The following DGKE variants were observed in gnomAD, a reference collection of about 807,000 sequenced individuals.
DGKE encodes DAG kinase epsilon.
Under a neutral mutation model 70.0 loss-of-function variants are expected in DGKE, and 53 were observed. The observed-to-expected ratio is 0.76, with a 90% CI of 0.61 to 0.95. DGKE has a LOEUF of 0.95. Ranked by LOEUF, DGKE falls within the 40% of genes least tolerant of loss-of-function variation. The pLI, the probability that DGKE is intolerant of heterozygous loss-of-function variation, is 0.00. For synonymous variants in DGKE, 291 were observed against 257.0 expected (o/e 1.13, Z -1.27); for missense variants, 655 against 706.9 (o/e 0.93, Z 0.83).
chr17:56,840,791 G>C (rs187028547), intron 2 of DGKE, among the ~76,000 whole-genome samples: 2 of 151,810 alleles, frequency 1.3e-5, no homozygotes, highest in African/African-American at 4.8e-5. Context: ...TGAACTGGGA[G>C]GGGGGGGAAT....
At position 56,840,288 on chromosome 17, in the gene DGKE, G is replaced by C. The variant is rs535395520; in HGVS notation, c.465-3731G>C. 5.2e-4 allele frequency among the ~76,000 whole-genome samples: 79 copies of C among 152,316 alleles called. 1 individual carries two copies. Among genetic ancestry groups the C allele is most frequent in the Non-Finnish European group, 9.0e-4 (61 of 68,026 alleles). On this transcript the variant is annotated intron_variant, in intron 2 of 11. Transcript: ENST00000284061. ...TTTTATGAATCGTGTTAGGACAAGTGCTCTTGGGGGAGGGGAGAAGGTTAA... is the reference window on the plus strand; with the variant it reads ...TTTTATGAATCGTGTTAGGACAAGTCCTCTTGGGGGAGGGGAGAAGGTTAA...
At chr17:56,859,767 G>GT (rs1161858638) in intron 9 of DGKE, among the ~76,000 whole-genome samples, 16 of 152,282 alleles carry the variant, frequency 1.1e-4, no homozygotes, top group African/African-American at 3.4e-4. Context: ...AAAAGAATCT[G>GT]TAATGGTTAA....
intron 9 of DGKE, among the ~76,000 whole-genome samples, chr17:56,859,722 A>G (rs2144289812): frequency 6.6e-6 from 1 of 152,348 alleles, no homozygotes; most frequent in South Asian, 2.1e-4. Flanking sequence ...CCAGCCAGAT[A>G]TGGCAGTCTT....
chr17:56,840,569 AG>A (rs1906913781), intron 2 of DGKE, among the ~76,000 whole-genome samples: 1 of 152,142 alleles, frequency 6.6e-6, no homozygotes, highest in South Asian at 2.1e-4. Context: ...CAGGAGAGAC[AG>A]GGTTTCACCA....
chr17:56,858,300 G>A (rs1326436703), intron 8 of DGKE, among the ~76,000 whole-genome samples: 1 of 152,100 alleles, frequency 6.6e-6, no homozygotes, highest in Non-Finnish European at 1.5e-5. Context: ...TCTGTAATAT[G>A]TTAAAGGCAT....
At chr17:56,841,809 TTTTTG>T (rs746066419) in intron 2 of DGKE, among the ~76,000 whole-genome samples, 109 of 152,288 alleles carry the variant, frequency 7.2e-4, no homozygotes, top group Non-Finnish European at 1.1e-3. Context: ...GGTCAGGTTT[TTTTTG>T]TTTTGTTTTG....
intron 2 of DGKE, among the ~76,000 whole-genome samples, chr17:56,837,563 G>C (rs1906708148): frequency 6.6e-6 from 1 of 152,188 alleles, no homozygotes; most frequent in African/African-American, 2.4e-5. Flanking sequence ...ATTCTACAGT[G>C]TTCTGAACTG....
chr17:56,849,289 C>T (rs900015562), intron 7 of DGKE, 57 bp downstream of exon 7: 2 of 1,497,834 alleles, frequency 1.3e-6, no homozygotes, highest in Non-Finnish European at 1.8e-6. Context: ...CAAGATACGG[C>T]ACTCTGTGGT....
rs1160817377 is a variant in DGKE, at chr17:56,844,054, G to A, written c.500G>A (p.Cys167Tyr). The A allele has an allele frequency of 1.9e-6, 3 of 1,571,140 alleles. No individual in the cohort carries two copies. Among genetic ancestry groups the A allele is most frequent in the Non-Finnish European group, 2.6e-6 (3 of 1,164,908 alleles). The stretch of plus-strand genomic sequence containing the variant: ...TGCCAGAAAACAGTACATGATGAGT[G>A]CATGAAAAATAGTTTAAAGAATGAA... ...IWCQKTVHDE[C>Y]MKNSLKNEKC... Residue 167 changes from cysteine to tyrosine, a missense_variant, in exon 3 of 12, where the codon TGC becomes TAC. Physicochemically the swap from Cys to Tyr is radical, Grantham distance 194. Coordinates refer to ENST00000284061, the MANE Select transcript of DGKE (RefSeq NM_003647.3).
chr17:56,844,265 A>G, intron 3 of DGKE, 87 bp downstream of exon 3: 1 of 843,728 alleles, frequency 1.2e-6, no homozygotes, highest in Non-Finnish European at 1.7e-6. Flanking sequence ...GTATGTAAGA[A>G]GAATTGGTGC....
In DGKE at chr17:56,840,640, A is replaced by G. The variant is rs186960803; in HGVS notation, c.465-3379A>G. 2.3e-3 allele frequency among the ~76,000 whole-genome samples: 352 copies of G among 152,328 alleles called. 3 individuals carry two copies. The highest frequency in any genetic ancestry group is 4.6e-4 in the Non-Finnish European group (31 of 68,030). On this transcript the variant is annotated intron_variant, in intron 2 of 11. Coordinates refer to ENST00000284061, the MANE Select transcript of DGKE (RefSeq NM_003647.3). ...GGTGATCCGCCCGCCTGGCCTCCCAAATCCTGGGATTATACGCATGCCCCA... is the reference window on the plus strand; with the variant it reads ...GGTGATCCGCCCGCCTGGCCTCCCAGATCCTGGGATTATACGCATGCCCCA...
chr17:56,863,422 G>T lies in DGKE; in HGVS notation c.*631G>T, dbSNP rs963667174. 6.6e-6 allele frequency: 1 copy of T among 152,132 alleles called. No homozygotes were observed. Among genetic ancestry groups the T allele is most frequent in the African/African-American group, 2.4e-5 (1 of 41,432 alleles). 9.4% of individuals were successfully genotyped at this position (152,132 alleles called of 1,614,324 possible). On this transcript the variant is annotated 3_prime_UTR_variant, in exon 12 of 12. Transcript: ENST00000284061. ...CACGTAAATGTTGTTTAATTCTGTA[G>T]GTAACCATTTGAGCTGCAATTCAGG...
intron 2 of DGKE, among the ~76,000 whole-genome samples, chr17:56,840,793 G>T (rs955684741): frequency 1.3e-5 from 2 of 152,302 alleles, no homozygotes; most frequent in Non-Finnish European, 2.9e-5. Flanking sequence ...AACTGGGAGG[G>T]GGGGGAATAA....
rs1908508229 is a variant in DGKE at position 56,865,930 on chromosome 17, G to C, written c.*3139G>C. 6.6e-6 allele frequency: 1 copy of C among 152,094 alleles called. No individual in the cohort carries two copies. The highest frequency in any genetic ancestry group is 2.4e-5 in the African/African-American group (1 of 41,400). 9.4% of individuals were successfully genotyped at this position (152,094 alleles called of 1,614,324 possible). A position where few individuals can be genotyped will look rare whatever the true frequency, so the allele number is the denominator to read the frequency against. ...CATAATTTGGCCAAAAAAGTCATTA[G>C]AATGGGTAATGGTTTTGTGTGGTTT... is the stretch of plus-strand genomic sequence containing the variant. On this transcript the variant is annotated 3_prime_UTR_variant, in exon 12 of 12. Coordinates refer to ENST00000284061, the MANE Select transcript of DGKE (RefSeq NM_003647.3).
chr17:56,862,580 A>G, intron 11 of DGKE, 32 bp from the exon 12 acceptor site: 14 of 1,467,332 alleles, frequency 9.5e-6, no homozygotes, highest in Non-Finnish European at 1.3e-5. Context: ...GGGGGGACTG[A>G]CTTTTAAACA....
At chr17:56,852,778 C>T (rs1907733573) in intron 7 of DGKE, among the ~76,000 whole-genome samples, 1 of 152,158 alleles carries the variant, frequency 6.6e-6, no homozygotes, top group Admixed American at 6.5e-5. Context: ...TGATATAGCT[C>T]ATTGTGGTTT....
At chr17:56,855,652 C>T (rs1019802850) in intron 7 of DGKE, among the ~76,000 whole-genome samples, 1 of 152,102 alleles carries the variant, frequency 6.6e-6, no homozygotes, top group Non-Finnish European at 1.5e-5. Flanking sequence ...AGATTCTTAC[C>T]AGCAGTGTCC....
At chr17:56,859,581 G>A (rs1436611459) in intron 9 of DGKE, among the ~76,000 whole-genome samples, 4 of 151,510 alleles carry the variant, frequency 2.6e-5, no homozygotes, top group African/African-American at 7.3e-5. Context: ...CACTACGCCC[G>A]GCTAATTTTT....
Position 56,869,246 on chromosome 17 carries a change from A to C in DGKE, c.*6455A>C, listed in dbSNP as rs991791891. On this transcript the variant is annotated 3_prime_UTR_variant, in exon 12 of 12. Transcript: ENST00000284061. Reference sequence around the variant, plus strand: ...TTTTCTAGAAAAGACAGAAGTTTAGAGTATATGAAATCTAATTTTTAAGTA... The same window carrying C: ...TTTTCTAGAAAAGACAGAAGTTTAGCGTATATGAAATCTAATTTTTAAGTA... 2.6e-5 allele frequency: 4 copies of C among 152,230 alleles called. No homozygotes were observed. The highest frequency in any genetic ancestry group is 9.6e-5 in the African/African-American group (4 of 41,456). The allele number at this position is 152,230 out of a possible 1,614,324, so 9.4% of individuals were successfully genotyped here.
Sources: gnomAD v4.1 joint callset for allele counts (sites outside exome capture counted in the v4.1 genomes callset) on GRCh38, gnomAD v4.1.1 for gene constraint, MANE v1.5 for transcripts, NCBI Gene and HGNC (gene_info 2026-07-23, HGNC 2026-07-21) for gene names.